AARS1: variants seen among roughly 807,000 people sequenced by gnomAD.
AARS1 encodes the protein alanine--tRNA ligase, cytoplasmic.
In AARS1, 72 loss-of-function variants were observed where a neutral mutation model predicts 108.9. The observed-to-expected ratio is 0.66, with a 90% confidence interval of 0.55 to 0.80. AARS1 has a LOEUF of 0.80. Among genes scored for constraint, AARS1 ranks in the 30% least tolerant of loss-of-function variants. The probability of loss-of-function intolerance (pLI) is 0.00; values close to 1 mark genes in which losing one functional copy is unlikely to be tolerated. For missense variants in AARS1, 1,193 were observed against 1,233.2 expected, an observed-to-expected ratio of 0.97 and a Z score of 0.49; for synonymous variants, 489 against 465.7, an observed-to-expected ratio of 1.05 and a Z score of -0.64.
intron 15 of AARS1, among the ~76,000 whole-genome samples, chr16:70,257,699 C>A (rs914180624): frequency 6.6e-6 from 1 of 152,200 alleles, no homozygotes; most frequent in Non-Finnish European, 1.5e-5. Flanking sequence ...AAGAGCTCAA[C>A]AAGCACTCCA....
chr16:70,275,591 T>C lies in AARS1; in HGVS notation c.479+895A>G, dbSNP rs895615498. Reference sequence around the variant, plus strand: ...CCCTGGCTAACACGGTGAAACCCCGTCTCTACTAAAAAATACAAAAAATTA... The same window carrying C: ...CCCTGGCTAACACGGTGAAACCCCGCCTCTACTAAAAAATACAAAAAATTA... On this transcript the variant is annotated intron_variant, in intron 4 of 20. Transcript: ENST00000261772. Among the ~76,000 whole-genome samples, 30 of 151,816 alleles carry C rather than the reference T, an allele frequency of 2.0e-4. No homozygotes were observed. The East Asian group carries it at 3.9e-3, about 20-fold the overall frequency.
intron 15 of AARS1, among the ~76,000 whole-genome samples, chr16:70,257,831 T>A (rs1471097112): frequency 6.6e-6 from 1 of 152,208 alleles, no homozygotes; most frequent in Non-Finnish European, 1.5e-5. Flanking sequence ...TGGGAATGTT[T>A]CGTCAGGAAA....
chr16:70,288,818 C>G (rs1467913862), intron 1 of AARS1, among the ~76,000 whole-genome samples: 3 of 152,154 alleles, frequency 2.0e-5, no homozygotes, highest in African/African-American at 7.2e-5. Context: ...CCGCCCGCCT[C>G]GACCTCCCAA....
intron 14 of AARS1, among the ~76,000 whole-genome samples, chr16:70,258,658 C>T (rs547337060): frequency 1.3e-5 from 2 of 152,296 alleles, no homozygotes; most frequent in African/African-American, 4.8e-5. Context: ...CTCCACCTCC[C>T]GGGTTCACAC....
chr16:70,287,850 C>G (rs1431420211), intron 1 of AARS1, among the ~76,000 whole-genome samples: 5 of 151,964 alleles, frequency 3.3e-5, no homozygotes, highest in East Asian at 1.9e-4. Context: ...ACCGCAATCT[C>G]CACCTCCCGG....
intron 5 of AARS1, among the ~76,000 whole-genome samples, chr16:70,271,377 A>C (rs563383286): frequency 3.9e-4 from 58 of 150,504 alleles, no homozygotes; most frequent in Admixed American, 9.3e-4. Context: ...AAAAATACAA[A>C]ATTAGCCGGG....
At position 70,276,617 on chromosome 16, in the gene AARS1, C is replaced by G; in HGVS notation, c.348G>C (p.Lys116Asn). 1.2e-6 allele frequency: 2 copies of G among 1,614,040 alleles called. No homozygotes were observed. Among genetic ancestry groups the G allele is most frequent in the South Asian group, 1.1e-5 (1 of 91,082 alleles). ...FGDYFKELAC[K>N]MALELLTQEF... is the part of the protein sequence containing the mutation. ...CTTGGGTGAGGAGTTCCAGAGCCAT[C>G]TTACATGCCAATTCCTACAAAAAGA... Residue 116 changes from lysine to asparagine, a missense_variant, in exon 4 of 21, where the codon AAG becomes AAC. Lys to Asn is a moderately conservative substitution (Grantham distance 94). Coordinates refer to ENST00000261772, the MANE Select transcript of AARS1 (RefSeq NM_001605.3).
chr16:70,279,117 C>T (rs1271949933), intron 2 of AARS1, among the ~76,000 whole-genome samples: 2 of 151,946 alleles, frequency 1.3e-5, no homozygotes, highest in Non-Finnish European at 2.9e-5. Flanking sequence ...TTTGTGGGGC[C>T]GAACCAGGCA....
In AARS1 at chr16:70,261,172, G is replaced by T; in HGVS notation, c.1672-15C>A. The T allele has an allele frequency of 1.3e-6, 2 of 1,566,182 alleles. No individual in the cohort carries two copies. The highest frequency in any genetic ancestry group is 1.8e-6 in the Non-Finnish European group (2 of 1,136,950). ...AACTCTGTTTTCTAAGAGGGGTCAAGGAAGAGACCAATAAATAAATCCTTA... is the reference window on the plus strand; with the variant it reads ...AACTCTGTTTTCTAAGAGGGGTCAATGAAGAGACCAATAAATAAATCCTTA... On this transcript the variant is annotated splice_polypyrimidine_tract_variant and intron_variant, in intron 12 of 20. Coordinates refer to ENST00000261772, the MANE Select transcript of AARS1 (RefSeq NM_001605.3).
chr16:70,275,955 A>AAAAAAAAAAAAAAAAAAAAAC, intron 4 of AARS1: 1 of 149,354 alleles, frequency 6.7e-6, no homozygotes, highest in African/African-American at 2.5e-5. Context: ...AAAAAAAAAA[A>AAAAAAAAAAAAAAAAAAAAAC]AAAAAACCAT....
chr16:70,261,323 C>A, intron 12 of AARS1, 166 bp from the exon 13 acceptor site: 1 of 533,520 alleles, frequency 1.9e-6, no homozygotes, highest in Non-Finnish European at 3.5e-6. Flanking sequence ...AGGCCAGGTG[C>A]AGTGGCTCAT....
chr16:70,270,518 T>C (rs1960372622), intron 5 of AARS1, among the ~76,000 whole-genome samples, 178 bp from the exon 6 acceptor site: 1 of 152,014 alleles, frequency 6.6e-6, no homozygotes, highest in South Asian at 2.1e-4. Context: ...AAGAGTTCAT[T>C]CTTAAATGAA....
rs191745414 is a variant in AARS1, at chr16:70,259,305, G to A, written c.1786-119C>T. 4.6e-6 allele frequency: 5 copies of A among 1,086,564 alleles called. No individual in the cohort carries two copies. The Admixed American group carries it at 7.9e-5, about 17-fold the overall frequency. 67.3% of individuals were successfully genotyped at this position (1,086,564 alleles called of 1,614,324 possible). A position where few individuals can be genotyped will look rare whatever the true frequency, so the allele number is the denominator to read the frequency against. On this transcript the variant is annotated intron_variant, in intron 13 of 20. Transcript: ENST00000261772. ...GGAAATATGGCTGTGCAGAATAAAG[G>A]TTACATTTCCCAGCTTCCCTATGGC...
intron 13 of AARS1, among the ~76,000 whole-genome samples, chr16:70,260,190 C>G (rs117946875): frequency 0.015 from 2,278 of 152,264 alleles, 22 homozygotes; most frequent in South Asian, 0.055. Flanking sequence ...TCAGCAAAGC[C>G]AAAAATATTT....
chr16:70,270,674 C>G (rs977337729), intron 5 of AARS1, among the ~76,000 whole-genome samples: 4 of 151,496 alleles, frequency 2.6e-5, no homozygotes, highest in Non-Finnish European at 5.9e-5. Context: ...CCCATCTCTA[C>G]TAAAAATACA....
chr16:70,252,389 G>C lies in AARS1; in HGVS notation c.*332C>G, dbSNP rs76884167. The stretch of plus-strand genomic sequence containing the variant: ...AGGGATAGAGATCATGCGGCATTAA[G>C]TATTGCACGTGGTCCTTTTATTCTC... On this transcript the variant is annotated 3_prime_UTR_variant, in exon 21 of 21. Coordinates refer to ENST00000261772, the MANE Select transcript of AARS1 (RefSeq NM_001605.3). The C allele has an allele frequency of 7.1e-6, 3 of 425,302 alleles. No individual in the cohort carries two copies. The highest frequency in any genetic ancestry group is 6.0e-5 in the African/African-American group (3 of 49,812). 26.3% of individuals were successfully genotyped at this position (425,302 alleles called of 1,614,324 possible).
chr16:70,264,460 G>A (rs1365691523), intron 11 of AARS1, among the ~76,000 whole-genome samples: 1 of 151,784 alleles, frequency 6.6e-6, no homozygotes, highest in Non-Finnish European at 1.5e-5. Flanking sequence ...GGGATTACAG[G>A]GGCACGCCAC....
Position 70,269,783 on chromosome 16 carries a change from G to A in AARS1, c.817-20C>T, listed in dbSNP as rs761335139. On this transcript the variant is annotated intron_variant, in intron 6 of 20. Transcript: ENST00000261772. ...TGTGCCCTATAGATAAGAATCAGGA[G>A]GCAGCCCTTTAGGAAGCAGACTTTC... 1.2e-6 allele frequency: 2 copies of A among 1,613,838 alleles called. No individual in the cohort carries two copies. The highest frequency in any genetic ancestry group is 1.3e-5 in the African/African-American group (1 of 74,920).
intron 3 of AARS1, 127 bp downstream of exon 3, chr16:70,276,839 G>A (rs923039624): frequency 2.5e-6 from 3 of 1,221,836 alleles, no homozygotes; most frequent in Non-Finnish European, 3.5e-6. Flanking sequence ...ATTAATAAAT[G>A]CCATTCATTC....
Sources: gnomAD v4.1 joint callset for allele counts (sites outside exome capture counted in the v4.1 genomes callset) on GRCh38, gnomAD v4.1.1 for gene constraint, MANE v1.5 for transcripts, NCBI Gene and HGNC (gene_info 2026-07-23, HGNC 2026-07-21) for gene names.